The following NCKAP5 variants were observed in gnomAD, a reference collection of about 807,000 sequenced individuals.
NCKAP5 encodes nck-associated protein 5.
In NCKAP5, 92 loss-of-function variants were observed where a neutral mutation model predicts 167.0. That is an observed-to-expected ratio of 0.55 (90% CI 0.47 to 0.66). The LOEUF (loss-of-function observed/expected upper bound fraction) is 0.66, where lower values mean the gene tolerates loss of function less well. NCKAP5 is among the 30% of genes least tolerant of loss of function. The probability of loss-of-function intolerance (pLI) is 0.00; values close to 1 mark genes in which losing one functional copy is unlikely to be tolerated. For missense variants in NCKAP5, 2,378 were observed against 2,315.0 expected, an observed-to-expected ratio of 1.03 and a Z score of -0.56; for synonymous variants, 891 against 877.4, an observed-to-expected ratio of 1.02 and a Z score of -0.27.
At chr2:133,567,327 G>A (rs1483176706) in intron 1 of NCKAP5, among the ~76,000 whole-genome samples, 1 of 152,098 alleles carries the variant, frequency 6.6e-6, no homozygotes, top group Non-Finnish European at 1.5e-5. Context: ...ATAGCTCACG[G>A]GCCAGCCGGT....
intron 8 of NCKAP5, among the ~76,000 whole-genome samples, chr2:132,920,225 G>C (rs889643931): frequency 2.6e-5 from 4 of 152,026 alleles, no homozygotes; most frequent in Admixed American, 2.6e-4. Flanking sequence ...AAGTCAGACT[G>C]TTCACAACTC....
At chr2:133,423,387 T>G (rs1009472196) in intron 3 of NCKAP5, among the ~76,000 whole-genome samples, 1 of 152,162 alleles carries the variant, frequency 6.6e-6, no homozygotes, top group Non-Finnish European at 1.5e-5. Flanking sequence ...ACATTCGCAT[T>G]GAATGTTGAA....
chr2:133,614,148 C>A, the NCKAP5 span, among the ~76,000 whole-genome samples: 1 of 152,108 alleles, frequency 6.6e-6, no homozygotes, highest in Non-Finnish European at 1.5e-5. Flanking sequence ...ATTACAGGCT[C>A]CCTGAGATAC....
At chr2:133,638,225 T>TTA in the NCKAP5 span, among the ~76,000 whole-genome samples, 3 of 152,158 alleles carry the variant, frequency 2.0e-5, no homozygotes, top group Admixed American at 2.0e-4. Context: ...CAAAGAAACT[T>TTA]TTAAATAGAC....
chr2:133,464,787 G>A lies in NCKAP5; in HGVS notation c.69+52671C>T, dbSNP rs138745026. 3.9e-4 allele frequency among the ~76,000 whole-genome samples: 60 copies of A among 152,284 alleles called. 3 individuals are homozygous for A. The highest frequency in any genetic ancestry group is 2.1e-4 in the South Asian group (1 of 4,808). The stretch of plus-strand genomic sequence containing the variant: ...GCAGTGAGGAGTAGAAAACTTGGAT[G>A]CCACCTTGTCATTGCCTTCAGCTTT... On this transcript the variant is annotated intron_variant, in intron 3 of 19. Coordinates refer to ENST00000409261, the MANE Select transcript of NCKAP5 (RefSeq NM_207363.3).
intron 4 of NCKAP5, among the ~76,000 whole-genome samples, chr2:133,217,607 T>C (rs1201370156): frequency 6.6e-6 from 1 of 152,114 alleles, no homozygotes; most frequent in Non-Finnish European, 1.5e-5. Flanking sequence ...TGGTCAGTTG[T>C]GGCGTAGTTA....
chr2:133,178,299 G>A (rs1248613218), intron 5 of NCKAP5, among the ~76,000 whole-genome samples: 1 of 151,574 alleles, frequency 6.6e-6, no homozygotes, highest in African/African-American at 2.4e-5. Flanking sequence ...AGGAGTTTGA[G>A]ACGACCCTGG....
chr2:133,461,394 T>C (rs547786119), intron 3 of NCKAP5, among the ~76,000 whole-genome samples: 9 of 152,304 alleles, frequency 5.9e-5, no homozygotes, highest in Admixed American at 5.2e-4. Context: ...AGTTTCTTTA[T>C]TATTTTTCTA....
chr2:133,638,635 G>A, the NCKAP5 span, among the ~76,000 whole-genome samples: 7 of 152,108 alleles, frequency 4.6e-5, no homozygotes, highest in Admixed American at 6.5e-5. Context: ...TGAGGTGGGC[G>A]GATCATGAGG....
chr2:132,894,619 A>C (rs1324570397), intron 8 of NCKAP5, among the ~76,000 whole-genome samples: 1 of 152,132 alleles, frequency 6.6e-6, no homozygotes, highest in Admixed American at 6.5e-5. Context: ...TTGTTCTCTC[A>C]AGGATGAATA....
the NCKAP5 span, among the ~76,000 whole-genome samples, chr2:133,645,926 A>G: frequency 6.6e-6 from 1 of 151,946 alleles, no homozygotes; most frequent in African/African-American, 2.4e-5. Flanking sequence ...AAGGCATCAA[A>G]TGGAAAAAAG....
chr2:133,614,228 G>A, the NCKAP5 span, among the ~76,000 whole-genome samples: 4 of 152,260 alleles, frequency 2.6e-5, no homozygotes, highest in South Asian at 8.3e-4. Context: ...CTCAGCCCTG[G>A]TCACCGGCTG....
chr2:132,818,867 T>C (rs1337689873), intron 11 of NCKAP5, among the ~76,000 whole-genome samples: 1 of 152,190 alleles, frequency 6.6e-6, no homozygotes, highest in African/African-American at 2.4e-5. Context: ...GTTGAAAATA[T>C]CTCTAAATAT....
intron 19 of NCKAP5, among the ~76,000 whole-genome samples, chr2:132,689,368 G>C (rs1686423291): frequency 6.6e-6 from 1 of 152,220 alleles, no homozygotes; most frequent in African/African-American, 2.4e-5. Flanking sequence ...TGAAATTCCT[G>C]AGAGATGAGG....
At position 133,418,130 on chromosome 2, in the gene NCKAP5, C is replaced by T. The variant is rs554070774; in HGVS notation, c.69+99328G>A. On this transcript the variant is annotated intron_variant, in intron 3 of 19. Transcript: ENST00000409261. ...AGCCTTTGCAAACTGCTCTTTACAA[C>T]GGATATTTTCTCAGAGGCTAGCATC... 3.9e-5 allele frequency among the ~76,000 whole-genome samples: 6 copies of T among 152,302 alleles called. No individual in the cohort carries two copies. In the South Asian group the frequency reaches 6.2e-4, roughly 16 times the overall value.
At chr2:133,627,898 T>C in the NCKAP5 span, among the ~76,000 whole-genome samples, 16 of 152,306 alleles carry the variant, frequency 1.1e-4, no homozygotes, top group Non-Finnish European at 7.4e-5. Flanking sequence ...CTGCTTCCCC[T>C]GTCCTTTGAA....
intron 4 of NCKAP5, among the ~76,000 whole-genome samples, chr2:133,245,793 T>C (rs2087948811): frequency 6.6e-6 from 1 of 151,538 alleles, no homozygotes; most frequent in Non-Finnish European, 1.5e-5. Context: ...TTGTGGCCAA[T>C]ATTTTAGGAG....
chr2:133,052,461 T>C (rs1166319244), intron 6 of NCKAP5, among the ~76,000 whole-genome samples: 2 of 152,188 alleles, frequency 1.3e-5, no homozygotes, highest in African/African-American at 2.4e-5. Flanking sequence ...CTCACGCCTG[T>C]AATTCCAGCT....
chr2:132,994,433 T>A (rs2077533177), intron 6 of NCKAP5, among the ~76,000 whole-genome samples, 194 bp from the exon 7 acceptor site: 1 of 152,166 alleles, frequency 6.6e-6, no homozygotes, highest in Admixed American at 6.5e-5. Context: ...GCCTCTACAT[T>A]CTCTTTCTCT....
Sources: allele counts gnomAD v4.1 joint callset (sites outside exome capture counted in the v4.1 genomes callset), GRCh38; gene constraint gnomAD v4.1.1; transcripts MANE v1.5; gene names NCBI Gene and HGNC (gene_info 2026-07-23, HGNC 2026-07-21).